The following USP32 variants were observed in gnomAD, a reference collection of about 807,000 sequenced individuals.
USP32 encodes the protein ubiquitin carboxyl-terminal hydrolase 32.
In USP32, 59 loss-of-function variants were observed where a neutral mutation model predicts 204.8. The ratio of observed to expected loss-of-function variants is 0.29; its 90% confidence interval spans 0.23 to 0.36. The LOEUF (loss-of-function observed/expected upper bound fraction) is 0.36. Ranked by LOEUF, USP32 falls within the 10% of genes least tolerant of loss-of-function variation. USP32 has a pLI of 1.00. For missense variants in USP32, 1,160 were observed against 1,946.4 expected (o/e 0.60, Z 7.60); for synonymous variants, 517 against 678.4 (o/e 0.76, Z 3.70).
chr17:60,193,567 A>C (rs2145418232), intron 27 of USP32, among the ~76,000 whole-genome samples: 1 of 152,298 alleles, frequency 6.6e-6, no homozygotes, highest in Middle Eastern at 3.4e-3. Flanking sequence ...TAAGCTGTAC[A>C]CCTTAGATGT....
At chr17:60,347,155 A>G (rs1389405453) in intron 1 of USP32, among the ~76,000 whole-genome samples, 1 of 152,148 alleles carries the variant, frequency 6.6e-6, no homozygotes, top group African/African-American at 2.4e-5. Context: ...ACTTGAAGCT[A>G]GACTGAGAGT....
At chr17:60,277,770 C>T (rs564160456) in intron 5 of USP32, among the ~76,000 whole-genome samples, 4 of 152,214 alleles carry the variant, frequency 2.6e-5, no homozygotes, top group South Asian at 4.1e-4. Flanking sequence ...AAGCTGAATA[C>T]ATTATGATAC....
At chr17:60,397,179 C>T (rs763236757) in intron 1 of USP32, among the ~76,000 whole-genome samples, 8 of 152,206 alleles carry the variant, frequency 5.3e-5, no homozygotes, top group Non-Finnish European at 8.8e-5. Flanking sequence ...CAACTTTGAA[C>T]ATATAGGATA....
intron 9 of USP32, among the ~76,000 whole-genome samples, chr17:60,261,475 G>T: frequency 6.6e-6 from 1 of 151,640 alleles, no homozygotes; most frequent in Non-Finnish European, 1.5e-5. Context: ...GGCAAAACCC[G>T]TCTCTACTAA....
At position 60,191,350 on chromosome 17, in the gene USP32, C is replaced by T. The variant is rs532270395; in HGVS notation, c.3522-667G>A. Among the ~76,000 whole-genome samples the T allele has an allele frequency of 2.2e-5, 3 of 133,602 alleles. No individual in the cohort carries two copies. In the Admixed American group the frequency reaches 2.5e-4, roughly 11 times the overall value. 87.6% of individuals were successfully genotyped at this position (133,602 alleles called of 152,430 possible). A position where few individuals can be genotyped will look rare whatever the true frequency, so the allele number is the denominator to read the frequency against. On this transcript the variant is annotated intron_variant, in intron 28 of 33. Coordinates refer to ENST00000300896, the MANE Select transcript of USP32 (RefSeq NM_032582.4). ...CTGGGAGGTGGAGGTTGCAGTGAGCCGAGGTTGCACCACTGCACTGCAGCC... is the reference window on the plus strand; with the variant it reads ...CTGGGAGGTGGAGGTTGCAGTGAGCTGAGGTTGCACCACTGCACTGCAGCC...
At chr17:60,192,133 A>C (rs2084399175) in intron 28 of USP32, among the ~76,000 whole-genome samples, 1 of 151,952 alleles carries the variant, frequency 6.6e-6, no homozygotes, top group Admixed American at 6.6e-5. Context: ...TCTACTAAAA[A>C]TACAAAAATT....
intron 1 of USP32, among the ~76,000 whole-genome samples, chr17:60,405,980 C>A (rs572745496): frequency 6.6e-6 from 1 of 151,788 alleles, no homozygotes; most frequent in Non-Finnish European, 1.5e-5. Flanking sequence ...TAGTTAGACG[C>A]CACCTCTCCA....
intron 13 of USP32, 56 bp from the exon 14 acceptor site, chr17:60,223,642 G>A (rs2085312890): frequency 5.4e-6 from 8 of 1,486,800 alleles, no homozygotes; most frequent in Non-Finnish European, 7.2e-6. Flanking sequence ...ACATAAACAG[G>A]CTTGAGGATA....
rs938808022 is a variant in USP32 at position 60,261,463 on chromosome 17, A to G, written c.990+3949T>C. ...GGAGTTTGAGACCAGCCTGGGTAAC[A>G]TGGCAAAACCCGTCTCTACTAAAAA... On this transcript the variant is annotated intron_variant, in intron 9 of 33. Coordinates refer to ENST00000300896, the MANE Select transcript of USP32 (RefSeq NM_032582.4). Among the ~76,000 whole-genome samples, 7 of 152,198 alleles carry G rather than the reference A, an allele frequency of 4.6e-5. 1 individual carries two copies. In the East Asian group the frequency reaches 1.4e-3, roughly 29 times the overall value.
chr17:60,327,529 G>A (rs948371247), intron 2 of USP32, among the ~76,000 whole-genome samples: 1 of 121,350 alleles, frequency 8.2e-6, no homozygotes, highest in South Asian at 3.1e-4. Flanking sequence ...GGCTGAGCCC[G>A]CCCGCCAGCA....
At chr17:60,179,523 A>G in intron 33 of USP32, 95 bp from the exon 34 acceptor site, 1 of 1,490,370 alleles carries the variant, frequency 6.7e-7, no homozygotes. Context: ...TGTAATTACT[A>G]AACCTGATTG....
intron 12 of USP32, 86 bp downstream of exon 12, chr17:60,236,052 G>A: frequency 1.1e-5 from 11 of 1,028,578 alleles, no homozygotes; most frequent in Non-Finnish European, 1.7e-5. Context: ...TTATTGGCTG[G>A]TAGTCATAGC....
intron 1 of USP32, among the ~76,000 whole-genome samples, chr17:60,349,211 T>C (rs946697669): frequency 2.0e-5 from 3 of 151,064 alleles, no homozygotes; most frequent in African/African-American, 7.3e-5. Context: ...ACTACCTGTA[T>C]AACAGTATAG....
intron 1 of USP32, among the ~76,000 whole-genome samples, chr17:60,384,195 T>C (rs1199050200): frequency 2.6e-5 from 4 of 152,232 alleles, no homozygotes; most frequent in Non-Finnish European, 5.9e-5. Flanking sequence ...TGGGAAAGAC[T>C]AGTGGAGGCC....
chr17:60,285,954 C>T (rs1388589464), intron 5 of USP32, among the ~76,000 whole-genome samples: 1 of 151,826 alleles, frequency 6.6e-6, no homozygotes, highest in African/African-American at 2.4e-5. Context: ...CTGGCCAACA[C>T]AGTGAAGCCC....
At chr17:60,197,559 G>A (rs1445566326) in intron 27 of USP32, among the ~76,000 whole-genome samples, 1 of 152,164 alleles carries the variant, frequency 6.6e-6, no homozygotes, top group Non-Finnish European at 1.5e-5. Flanking sequence ...AGCCAGGATC[G>A]TGCCATTGCA....
chr17:60,415,087 T>C (rs1598325178), intron 1 of USP32, among the ~76,000 whole-genome samples: 1 of 152,326 alleles, frequency 6.6e-6, no homozygotes, highest in East Asian at 1.9e-4. Flanking sequence ...ATTTTCATGC[T>C]TGGGGAGGGT....
At chr17:60,345,368 G>T in intron 2 of USP32, 113 bp downstream of exon 2, 1 of 1,458,258 alleles carries the variant, frequency 6.9e-7, no homozygotes, top group Non-Finnish European at 9.2e-7. Context: ...CACTCAGGAA[G>T]AAAAATAACT....
rs538664466 is a variant in USP32, at chr17:60,362,858, A to C, written c.59-17250T>G. Among the ~76,000 whole-genome samples the C allele has an allele frequency of 2.1e-3, 321 of 152,138 alleles. 1 individual carries two copies. Among genetic ancestry groups the C allele is most frequent in the African/African-American group, 7.4e-3 (307 of 41,538 alleles). On this transcript the variant is annotated intron_variant, in intron 1 of 33. Transcript: ENST00000300896. ...AGGAGAGGAAAAAAAAAAACAAAAA[A>C]CACCTTAGTCAAAAGGCAGCTAATA... is the stretch of plus-strand genomic sequence containing the variant.
Sources: allele counts gnomAD v4.1 joint callset (sites outside exome capture counted in the v4.1 genomes callset), GRCh38; gene constraint gnomAD v4.1.1; transcripts MANE v1.5; gene names NCBI Gene and HGNC (gene_info 2026-07-23, HGNC 2026-07-21).